SPTBN2: variants seen among roughly 807,000 people sequenced by gnomAD.
SPTBN2 encodes spectrin beta, non-erythrocytic 2.
Under a neutral mutation model 284.2 loss-of-function variants are expected in SPTBN2, and 107 were observed. The ratio of observed to expected loss-of-function variants is 0.38; its 90% CI spans 0.32 to 0.44. The LOEUF (loss-of-function observed/expected upper bound fraction) is 0.44, where lower values mean the gene tolerates loss of function less well. Among genes scored for constraint, SPTBN2 ranks in the 20% least tolerant of loss-of-function variants. SPTBN2 has a pLI of 1.00. For missense variants in SPTBN2, 2,569 were observed against 3,287.1 expected (o/e 0.78, Z 5.34); for synonymous variants, 1,289 against 1,354.8 (o/e 0.95, Z 1.07).
intron 37 of SPTBN2, 52 bp downstream of exon 37, chr11:66,686,346 C>T: frequency 6.2e-7 from 1 of 1,609,542 alleles, no homozygotes; most frequent in Non-Finnish European, 8.5e-7. Context: ...GAGTCTGCAG[C>T]TGGAAGCTTC....
intron 1 of SPTBN2, among the ~76,000 whole-genome samples, chr11:66,737,036 G>C (rs1010992375): frequency 9.1e-4 from 139 of 152,316 alleles, no homozygotes; most frequent in Admixed American, 2.8e-3. Context: ...TTTACAGAAG[G>C]AAGTTGTGAT....
intron 1 of SPTBN2, among the ~76,000 whole-genome samples, chr11:66,724,213 G>A (rs539116449): frequency 2.0e-5 from 3 of 152,220 alleles, no homozygotes; most frequent in African/African-American, 7.2e-5. Context: ...CTGAGGTCAG[G>A]AGTTCGACAG....
Position 66,708,390 on chromosome 11 carries a change from T to C in SPTBN2, c.1192-91A>G, listed in dbSNP as rs952465885. On this transcript the variant is annotated intron_variant, in intron 11 of 37. Transcript: ENST00000533211. The surrounding 1 kb of genome is among the most constrained non-coding windows in gnomAD (Gnocchi z 4.4). ...CATGGTAAGTCCCATGGAAGCTCGG[T>C]CTGGTGGATCCGTGGAATGCAGTGG... 2 of 1,316,932 alleles carry C rather than the reference T, an allele frequency of 1.5e-6. No individual in the cohort carries two copies. Among genetic ancestry groups the C allele is most frequent in the Admixed American group, 2.7e-5 (1 of 36,890 alleles). The allele number at this position is 1,316,932 out of a possible 1,614,324, so 81.6% of individuals were successfully genotyped here.
rs1203787206 is a variant in SPTBN2, at chr11:66,704,836, G to A, written c.2440C>T (p.Pro814Ser). 3 of 1,607,914 alleles carry A rather than the reference G, an allele frequency of 1.9e-6. No individual in the cohort carries two copies. Among genetic ancestry groups the A allele is most frequent in the Non-Finnish European group, 2.5e-6 (3 of 1,179,492 alleles). Reference protein sequence around the residue: ...DALREQAAALPPTLSRTPEVQ... With the variant: ...DALREQAAALSPTLSRTPEVQ... ...TCGGGCGTGCGGCTCAGTGTGGGGG[G>A]CAGGGCTGCTGCCTGTTCCCTCAAG... Residue 814 changes from proline (P) to serine (S), a missense_variant, in exon 15 of 38, where the codon CCC becomes TCC. Pro to Ser is a moderately conservative substitution (Grantham distance 74). Coordinates refer to ENST00000533211, the MANE Select transcript of SPTBN2 (RefSeq NM_006946.4).
At position 66,690,211 on chromosome 11, in the gene SPTBN2, G is replaced by A. The variant is rs375691707; in HGVS notation, c.5638C>T (p.Arg1880Cys). 45 of 1,613,754 alleles carry A rather than the reference G, an allele frequency of 2.8e-5. No homozygotes were observed. The highest frequency in any genetic ancestry group is 3.3e-4 in the Middle Eastern group (2 of 6,058). ...YAGDKAEEIG[R>C]HMQAVAEAWA... Reference sequence around the variant, plus strand: ...GCCTCGGCCACGGCCTGCATGTGGCGGCCGATCTCCTCAGCCTTGTCTCCA... The same window carrying A: ...GCCTCGGCCACGGCCTGCATGTGGCAGCCGATCTCCTCAGCCTTGTCTCCA... The change falls in exon 28 of 38, where the codon CGC (arginine) becomes TGC (cysteine). Residue 1880 changes from arginine to cysteine, a missense_variant. Around this residue, in one of 6 missense-constraint regions of SPTBN2, gnomAD observed 1,130 missense variants for 1,317.3 expected, o/e 0.86. Transcript: ENST00000533211.
intron 20 of SPTBN2, among the ~76,000 whole-genome samples, chr11:66,698,289 T>A (rs933947782): frequency 1.3e-5 from 2 of 152,240 alleles, no homozygotes; most frequent in African/African-American, 2.4e-5. Context: ...CTGTTTGGAC[T>A]GCAAAGCCTC....
rs560121137 is a variant in SPTBN2 at position 66,706,154 on chromosome 11, A to G, written c.1654-317T>C. On this transcript the variant is annotated intron_variant, in intron 13 of 37. Transcript: ENST00000533211. ...CAGCACCCAGCAGCCTTCCTTCCAC[A>G]TCTCTCCCCAATCCACCCTCCTAGC... Among the ~76,000 whole-genome samples, 5 of 151,712 alleles carry G rather than the reference A, an allele frequency of 3.3e-5. No individual in the cohort carries two copies. The East Asian group carries it at 9.7e-4, about 29-fold the overall frequency.
Position 66,688,669 on chromosome 11 carries a change from A to C in SPTBN2, c.6215T>G (p.Leu2072Arg). ...GTCCCTCACCGCAGTAAGCTTCTCC[A>C]GCGCACAGAATCGCTCCTCCCAGGC... ...AVAWEERFCA[L>R]EKLTALEERE... The change falls in exon 31 of 38, where the codon CTG becomes CGG. Residue 2072 changes from leucine to arginine, a missense_variant. This residue lies in a region of SPTBN2 where 1,130 missense variants were observed against 1,317.3 expected (regional missense o/e 0.86). Transcript: ENST00000533211. 6.2e-7 allele frequency: 1 copy of C among 1,613,976 alleles called. No homozygotes were observed. Among genetic ancestry groups the C allele is most frequent in the Non-Finnish European group, 8.5e-7 (1 of 1,180,020 alleles).
intron 13 of SPTBN2, among the ~76,000 whole-genome samples, chr11:66,706,192 G>A (rs867751789): frequency 6.6e-6 from 1 of 152,150 alleles, no homozygotes; most frequent in African/African-American, 2.4e-5. Flanking sequence ...CTGCCCGCCT[G>A]GAAGATGGCA....
chr11:66,693,534 C>CT lies in SPTBN2; in HGVS notation c.4594-89dup. The CT allele has an allele frequency of 6.5e-7, 1 of 1,537,680 alleles. No homozygotes were observed. Reference sequence around the variant, plus strand: ...GACCACCCTTCACCCCTGTGCCTCTCTCCTTCCTGGGTCCTCTGCTCCCTC... The same window carrying CT: ...GACCACCCTTCACCCCTGTGCCTCTCTTCCTTCCTGGGTCCTCTGCTCCCTC... On this transcript the variant is annotated intron_variant, in intron 23 of 37. Transcript: ENST00000533211. This position sits in a 1 kb window ranked among gnomAD's most constrained non-coding sequence, Gnocchi z 5.7.
chr11:66,703,523 G>C (rs1441016051), intron 15 of SPTBN2, among the ~76,000 whole-genome samples: 1 of 152,126 alleles, frequency 6.6e-6, no homozygotes, highest in Non-Finnish European at 1.5e-5. Context: ...ACGAGGTCAG[G>C]AGATCGAGAC....
Position 66,718,196 on chromosome 11 carries a change from A to G in SPTBN2, c.158-2215T>C, listed in dbSNP as rs1942231282. 6.6e-6 allele frequency among the ~76,000 whole-genome samples: 1 copy of G among 152,126 alleles called. No individual in the cohort carries two copies. Among genetic ancestry groups the G allele is most frequent in the Non-Finnish European group, 1.5e-5 (1 of 68,010 alleles). On this transcript the variant is annotated intron_variant, in intron 3 of 37. Coordinates refer to ENST00000533211, the MANE Select transcript of SPTBN2 (RefSeq NM_006946.4). The surrounding 1 kb of genome is among the most constrained non-coding windows in gnomAD (Gnocchi z 4.8). ...TGCAGCACCCCAAGGCCCGGCAGTCACACCCACCCATGCCATCATACACGG... is the reference window on the plus strand; with the variant it reads ...TGCAGCACCCCAAGGCCCGGCAGTCGCACCCACCCATGCCATCATACACGG...
chr11:66,728,285 C>T (rs1942707462), intron 1 of SPTBN2: 1 of 145,066 alleles, frequency 6.9e-6, no homozygotes, highest in African/African-American at 2.5e-5. Flanking sequence ...CGGCGGGCGG[C>T]GGGCGGGCGC....
Position 66,691,070 on chromosome 11 carries a change from G to T in SPTBN2, c.5565+214C>A, listed in dbSNP as rs1940509616. Among the ~76,000 whole-genome samples the T allele has an allele frequency of 6.6e-6, 1 of 152,114 alleles. No homozygotes were observed. Among genetic ancestry groups the T allele is most frequent in the Admixed American group, 6.5e-5 (1 of 15,274 alleles). On this transcript the variant is annotated intron_variant, in intron 27 of 37. Transcript: ENST00000533211. This position sits in a 1 kb window ranked among gnomAD's most constrained non-coding sequence, Gnocchi z 8.0. ...AATCTCAGATGATCCGCCCTCCTCG[G>T]CCTCCCAAAGTGCTGGGATTACAGG...
At position 66,705,312 on chromosome 11, in the gene SPTBN2, G is replaced by T. The variant is rs1221391241; in HGVS notation, c.1964C>A (p.Ala655Asp). The change falls in exon 15 of 38, where the codon GCC (alanine) becomes GAC (aspartate). Residue 655 changes from alanine to aspartate, a missense_variant. Coordinates refer to ENST00000533211, the MANE Select transcript of SPTBN2 (RefSeq NM_006946.4). The stretch of plus-strand genomic sequence containing the variant: ...GAGGTGCTGCTGCTCCCGCACCCAG[G>T]CCTCAGCTTCACCCACCTCCCAGAG... ...RFLWEVGEAEAWVREQQHLLA... is the reference protein window; with the variant it reads ...RFLWEVGEAEDWVREQQHLLA... 1.2e-6 allele frequency: 2 copies of T among 1,607,588 alleles called. No homozygotes were observed. Among genetic ancestry groups the T allele is most frequent in the Non-Finnish European group, 1.7e-6 (2 of 1,179,350 alleles).
At chr11:66,696,191 C>G in intron 21 of SPTBN2, 86 bp downstream of exon 21, 1 of 1,545,126 alleles carries the variant, frequency 6.5e-7, no homozygotes, top group Non-Finnish European at 8.8e-7. Context: ...TGTTATCTGC[C>G]AGGCCTCAGC....
chr11:66,701,028 G>C lies in SPTBN2; in HGVS notation c.3071C>G (p.Ala1024Gly). Residue 1024 changes from alanine to glycine, a missense_variant, in exon 17 of 38, where the codon GCC (alanine) becomes GGC (glycine). Ala to Gly is a moderately conservative substitution (Grantham distance 60). Transcript: ENST00000533211. The part of the protein sequence containing the change: ...RVGELTREAN[A>G]LAAGHPAQAV... ...CTGAGCGGGATGGCCGGCAGCCAGG[G>C]CATTTGCCTCTCGAGTCAGTTCGCC... 1.2e-6 allele frequency: 2 copies of C among 1,608,738 alleles called. No individual in the cohort carries two copies. Among genetic ancestry groups the C allele is most frequent in the East Asian group, 2.2e-5 (1 of 44,874 alleles).
intron 1 of SPTBN2, among the ~76,000 whole-genome samples, chr11:66,736,551 A>T (rs1942851933): frequency 6.6e-6 from 1 of 152,212 alleles, no homozygotes; most frequent in Non-Finnish European, 1.5e-5. Context: ...TCATGCCACT[A>T]ACCCCTGTGA....
rs747851117 is a variant in SPTBN2 at position 66,710,584 on chromosome 11, G to A, written c.1071C>T (p.Pro357=). The A allele has an allele frequency of 6.2e-7, 1 of 1,613,422 alleles. No homozygotes were observed. Among genetic ancestry groups the A allele is most frequent in the Admixed American group, 1.7e-5 (1 of 59,912 alleles). ...FNSYRTVEKP[P]KFTEKGNLEV... is the part of the protein sequence containing the mutation. ...GGTGGGGCCCCAGGGACACCTACTT[G>A]GGCGGCTTCTCCACGGTGCGGTAGG... Residue 357 remains proline, a splice_region_variant and synonymous_variant, in exon 10 of 38, where the codon CCC becomes CCT. Transcript: ENST00000533211. This position sits in a 1 kb window ranked among gnomAD's most constrained non-coding sequence, Gnocchi z 4.9.
Sources: allele counts gnomAD v4.1 joint callset (sites outside exome capture counted in the v4.1 genomes callset), GRCh38; gene constraint gnomAD v4.1.1; regional missense constraint gnomAD v4.1.1; non-coding constraint Gnocchi (gnomAD v3.1); transcripts MANE v1.5; gene names NCBI Gene and HGNC (gene_info 2026-07-23, HGNC 2026-07-21).